Variants in FRMD4B observed in about 807,000 individuals in gnomAD.
The protein encoded by FRMD4B is FERM domain-containing protein 4B.
In FRMD4B, 74 loss-of-function variants were observed where a neutral mutation model predicts 141.5. The observed-to-expected ratio is 0.52, with a 90% CI of 0.43 to 0.63. FRMD4B has a LOEUF of 0.63. FRMD4B is among the 30% of genes least tolerant of loss of function. FRMD4B has a pLI of 0.00. For missense variants in FRMD4B, 1,366 were observed against 1,253.4 expected, an observed-to-expected ratio of 1.09 and a Z score of -1.36; for synonymous variants, 506 against 467.9, an observed-to-expected ratio of 1.08 and a Z score of -1.05.
Position 69,228,574 on chromosome 3 carries a change from C to A in FRMD4B, c.582-3884G>T, listed in dbSNP as rs570859633. On this transcript the variant is annotated intron_variant, in intron 7 of 22. Transcript: ENST00000398540. ...AGCTCGCTGGGCATGGTGGCTCATG[C>A]CTATAATCCCAACACTTTGGGAGAC... 8.2e-5 allele frequency: 35 copies of A among 424,442 alleles called. 1 individual carries two copies. Among genetic ancestry groups the A allele is most frequent in the South Asian group, 6.1e-4 (35 of 57,608 alleles). The allele number at this position is 424,442 out of a possible 1,614,324, so 26.3% of individuals were successfully genotyped here.
intron 1 of FRMD4B, among the ~76,000 whole-genome samples, chr3:69,435,854 G>A (rs534763717): frequency 6.6e-6 from 1 of 152,252 alleles, no homozygotes; most frequent in African/African-American, 2.4e-5. Context: ...TGCCAACATA[G>A]AGCCCAGCAA....
intron 1 of FRMD4B, among the ~76,000 whole-genome samples, chr3:69,501,062 C>T (rs1486433746): frequency 6.6e-6 from 1 of 152,086 alleles, no homozygotes; most frequent in Non-Finnish European, 1.5e-5. Context: ...TATATCCTAT[C>T]AGTAAAAAAA....
Position 69,181,002 on chromosome 3 carries a change from C to T in FRMD4B, c.2748G>A (p.Pro916=), listed in dbSNP as rs370212737. The stretch of plus-strand genomic sequence containing the variant: ...CCCTGTCTGAGTCAAAGCTGGTCTG[C>T]GGGCTGTGTCCCTGATCCTTCTGCC... The part of the protein sequence containing the change: ...ASGQKDQGHS[P]QTSFDSDRGS... The change falls in exon 21 of 23, where the codon CCG becomes CCA. Residue 916 remains proline, a synonymous_variant. Coordinates refer to ENST00000398540, the MANE Select transcript of FRMD4B (RefSeq NM_015123.3). The T allele has an allele frequency of 3.8e-4, 612 of 1,613,814 alleles. 1 individual carries two copies. Among genetic ancestry groups the T allele is most frequent in the Non-Finnish European group, 4.7e-4 (552 of 1,179,814 alleles).
intron 2 of FRMD4B, among the ~76,000 whole-genome samples, chr3:69,418,354 C>T (rs2106800064): frequency 6.6e-6 from 1 of 152,280 alleles, no homozygotes; most frequent in South Asian, 2.1e-4. Flanking sequence ...AGAAATCTAA[C>T]ATGGGCCCTA....
At chr3:69,279,696 TC>T (rs2093634938) in intron 5 of FRMD4B, among the ~76,000 whole-genome samples, 1 of 33,826 alleles carries the variant, frequency 3.0e-5, no homozygotes, top group Non-Finnish European at 6.9e-5. Flanking sequence ...CCTCCCCTCC[TC>T]CTTCTCCTCT....
intron 8 of FRMD4B, among the ~76,000 whole-genome samples, chr3:69,223,291 G>A (rs948301129): frequency 3.9e-5 from 6 of 152,094 alleles, no homozygotes; most frequent in African/African-American, 1.4e-4. Context: ...CGAGGCAGGC[G>A]GATCACGAGG....
In FRMD4B at chr3:69,267,593, GTGTATATA is replaced by G. The variant is rs1307351277; in HGVS notation, c.502-17502_502-17495del. Among the ~76,000 whole-genome samples, 15 of 97,994 alleles carry G rather than the reference GTGTATATA, an allele frequency of 1.5e-4. 1 individual carries two copies. Among genetic ancestry groups the G allele is most frequent in the African/African-American group, 6.6e-4 (15 of 22,634 alleles). The allele number at this position is 97,994 out of a possible 152,430, so 64.3% of individuals were successfully genotyped here. ...TATATATATATGTGTGTGTGTGTGT[GTGTATATA>G]TATATATATATATATATATATATAT... On this transcript the variant is annotated intron_variant, in intron 5 of 22. Coordinates refer to ENST00000398540, the MANE Select transcript of FRMD4B (RefSeq NM_015123.3).
intron 2 of FRMD4B, among the ~76,000 whole-genome samples, chr3:69,312,992 T>C (rs1373043887): frequency 6.6e-6 from 1 of 152,236 alleles, no homozygotes; most frequent in Non-Finnish European, 1.5e-5. Flanking sequence ...TTAACCATAA[T>C]TCTTCTGAGA....
chr3:69,175,712 C>T (rs2092636550), intron 22 of FRMD4B, among the ~76,000 whole-genome samples: 1 of 151,012 alleles, frequency 6.6e-6, no homozygotes, highest in Admixed American at 6.6e-5. Flanking sequence ...ATTCAATGTA[C>T]AGACTAAAGA....
chr3:69,487,034 A>T (rs1266986220), intron 1 of FRMD4B, among the ~76,000 whole-genome samples: 2 of 152,210 alleles, frequency 1.3e-5, no homozygotes, highest in African/African-American at 2.4e-5. Context: ...AACGTCTGAC[A>T]GGGTCAGTGA....
intron 1 of FRMD4B, among the ~76,000 whole-genome samples, chr3:69,352,001 C>T (rs1308845951): frequency 2.6e-5 from 4 of 152,194 alleles, no homozygotes; most frequent in Non-Finnish European, 4.4e-5. Flanking sequence ...TCTGCAGCAA[C>T]CTCCATTCTA....
At chr3:69,202,384 A>C (rs1429602604) in intron 11 of FRMD4B, among the ~76,000 whole-genome samples, 1 of 152,020 alleles carries the variant, frequency 6.6e-6, no homozygotes, top group Non-Finnish European at 1.5e-5. Context: ...TATATATAAA[A>C]TATATGCATG....
intron 5 of FRMD4B, among the ~76,000 whole-genome samples, chr3:69,265,732 C>G (rs1223842602): frequency 1.3e-5 from 2 of 151,986 alleles, no homozygotes; most frequent in African/African-American, 2.4e-5. Context: ...CAGGCGTGAG[C>G]CACAGCGCCT....
chr3:69,219,223 T>A (rs1358940621), intron 9 of FRMD4B, among the ~76,000 whole-genome samples: 1 of 152,000 alleles, frequency 6.6e-6, no homozygotes, highest in Non-Finnish European at 1.5e-5. Flanking sequence ...CTACTTGCTA[T>A]TTTTAATTCA....
intron 4 of FRMD4B, among the ~76,000 whole-genome samples, chr3:69,298,503 G>A (rs1270401870): frequency 6.6e-6 from 1 of 152,132 alleles, no homozygotes; most frequent in Admixed American, 6.5e-5. Context: ...ATGCTCTCAA[G>A]CTCAAAACCC....
intron 1 of FRMD4B, among the ~76,000 whole-genome samples, chr3:69,355,915 C>G (rs1703304222): frequency 1.3e-5 from 2 of 152,080 alleles, no homozygotes; most frequent in African/African-American, 2.4e-5. Flanking sequence ...TTCCCAGCTA[C>G]TCGGGAGGCT....
intron 1 of FRMD4B, among the ~76,000 whole-genome samples, chr3:69,473,662 T>A (rs1184176668): frequency 1.3e-5 from 2 of 152,322 alleles, no homozygotes; most frequent in South Asian, 2.1e-4. Flanking sequence ...TGGTGGCTTA[T>A]AATCCATCCA....
chr3:69,198,278 C>T (rs1368470132), intron 12 of FRMD4B: 1 of 154,390 alleles, frequency 6.5e-6, no homozygotes, highest in African/African-American at 2.4e-5. Flanking sequence ...TCTGAATAGA[C>T]ATTTCTCTAC....
chr3:69,522,324 T>G (rs1168575241), intron 1 of FRMD4B, among the ~76,000 whole-genome samples: 1 of 152,076 alleles, frequency 6.6e-6, no homozygotes, highest in African/African-American at 2.4e-5. Flanking sequence ...GGTCTTAGAA[T>G]CAGGCCCTAG....
Sources: allele counts gnomAD v4.1 joint callset (sites outside exome capture counted in the v4.1 genomes callset), GRCh38; gene constraint gnomAD v4.1.1; transcripts MANE v1.5; gene names NCBI Gene and HGNC (gene_info 2026-07-23, HGNC 2026-07-21).